TRHDE: variants seen among roughly 807,000 people sequenced by gnomAD.
The protein encoded by TRHDE is thyrotropin releasing hormone degrading enzyme.
TRHDE carries 72 observed loss-of-function variants against 125.7 expected under a neutral mutation model. The observed-to-expected ratio is 0.57, with a 90% CI of 0.47 to 0.70. The LOEUF is 0.70. Among genes scored for constraint, TRHDE ranks in the 30% least tolerant of loss-of-function variants. The pLI is 0.00. For synonymous variants in TRHDE, 509 were observed against 509.1 expected (o/e 1.00, Z 0.00); for missense variants, 1,110 against 1,327.1 (o/e 0.84, Z 2.54).
intron 7 of TRHDE, among the ~76,000 whole-genome samples, chr12:72,554,175 T>A (rs1001193332): frequency 1.1e-4 from 16 of 152,098 alleles, no homozygotes; most frequent in African/African-American, 3.9e-4. Context: ...TTATAGTGTT[T>A]CTAGAACATT....
intron 12 of TRHDE, among the ~76,000 whole-genome samples, chr12:72,604,511 A>G (rs1222506653): frequency 6.6e-6 from 1 of 152,074 alleles, no homozygotes; most frequent in Non-Finnish European, 1.5e-5. Flanking sequence ...AATGACTCTT[A>G]TTAAGATTCC....
chr12:72,380,774 C>CCTTG (rs1565720534), intron 3 of TRHDE, among the ~76,000 whole-genome samples: 5 of 112,350 alleles, frequency 4.5e-5, no homozygotes, highest in African/African-American at 1.7e-4. Context: ...TTGCTTCCTT[C>CCTTG]CTTCCTTCCT....
rs188638290 is a variant in TRHDE at position 72,217,384 on chromosome 12, A to G, written n.279+111632A>G. ...GTTAAGGACTGTTCCTAGTGCCTTT[A>G]GTAATCAATGGATGGTAGCCTTACT... On this transcript the variant is annotated intron_variant and non_coding_transcript_variant, in intron 2 of 4. Coordinates refer to the TRHDE transcript ENST00000548156. Among the ~76,000 whole-genome samples the G allele has an allele frequency of 9.3e-4, 142 of 152,300 alleles. 2 individuals carry two copies. The highest frequency in any genetic ancestry group is 3.2e-3 in the African/African-American group (135 of 41,580).
chr12:72,650,275 C>A (rs1447938984), intron 15 of TRHDE, among the ~76,000 whole-genome samples: 1 of 152,024 alleles, frequency 6.6e-6, no homozygotes, highest in Non-Finnish European at 1.5e-5. Flanking sequence ...AAGAGCCAGT[C>A]ACAGAAAGAC....
At chr12:72,430,317 A>G (rs1435571704) in intron 3 of TRHDE, among the ~76,000 whole-genome samples, 2 of 141,886 alleles carry the variant, frequency 1.4e-5, no homozygotes, top group African/African-American at 5.3e-5. Context: ...ATGTATATAT[A>G]CATGTATACA....
chr12:72,633,631 A>G (rs1384420443), intron 15 of TRHDE, among the ~76,000 whole-genome samples: 1 of 152,066 alleles, frequency 6.6e-6, no homozygotes, highest in Non-Finnish European at 1.5e-5. Context: ...CTTTCCACCC[A>G]TCACTGACTA....
chr12:72,333,702 T>C (rs1404456089), intron 2 of TRHDE, among the ~76,000 whole-genome samples: 1 of 152,204 alleles, frequency 6.6e-6, no homozygotes. Flanking sequence ...AAGATGGAAA[T>C]GGGGACAAAA....
chr12:72,469,769 G>T lies in TRHDE; in HGVS notation c.1327G>T (p.Val443Leu). The change falls in exon 4 of 19, where the codon GTG becomes TTG. Residue 443 changes from valine (V) to leucine (L), a missense_variant. Coordinates refer to ENST00000261180, the MANE Select transcript of TRHDE (RefSeq NM_013381.3). ...TATTTTATTTCTAGATCTTTTAGCT[G>T]TGCCTAAGCATCCGTATGCTGCTAT... is the stretch of plus-strand genomic sequence containing the variant. ...YSLPKLDLLA[V>L]PKHPYAAMEN... 1 of 1,613,906 alleles carries T rather than the reference G, an allele frequency of 6.2e-7. No individual in the cohort carries two copies. Among genetic ancestry groups the T allele is most frequent in the Non-Finnish European group, 8.5e-7 (1 of 1,179,934 alleles).
chr12:72,464,210 G>A (rs1876259829), intron 3 of TRHDE, among the ~76,000 whole-genome samples: 1 of 152,136 alleles, frequency 6.6e-6, no homozygotes, highest in African/African-American at 2.4e-5. Flanking sequence ...GGGTGGTGAT[G>A]GATGATGTTA....
chr12:72,215,835 G>A (rs1877878514), intron 2 of TRHDE, among the ~76,000 whole-genome samples: 1 of 152,064 alleles, frequency 6.6e-6, no homozygotes, highest in Admixed American at 6.6e-5. Flanking sequence ...CTGACAATTT[G>A]GAAACGAAGC....
At chr12:72,328,047 G>A (rs181933742) in intron 2 of TRHDE, among the ~76,000 whole-genome samples, 272 of 152,222 alleles carry the variant, frequency 1.8e-3, no homozygotes, top group Non-Finnish European at 2.2e-3. Context: ...AATGGCCCAC[G>A]AGTATCATCA....
chr12:72,451,945 C>T (rs1323040524), intron 3 of TRHDE, among the ~76,000 whole-genome samples: 1 of 152,136 alleles, frequency 6.6e-6, no homozygotes, highest in Non-Finnish European at 1.5e-5. Flanking sequence ...TCTCCTGCCT[C>T]AGCCTCCCAA....
intron 15 of TRHDE, among the ~76,000 whole-genome samples, chr12:72,651,452 C>T (rs962300951): frequency 6.6e-6 from 1 of 151,812 alleles, no homozygotes; most frequent in Non-Finnish European, 1.5e-5. Flanking sequence ...TATATTACTG[C>T]CACATTCAAA....
intron 2 of TRHDE, among the ~76,000 whole-genome samples, chr12:72,124,832 C>T (rs1251719873): frequency 6.6e-6 from 1 of 152,020 alleles, no homozygotes; most frequent in African/African-American, 2.4e-5. Context: ...ATCTTGAGCC[C>T]AGGAGTTAAT....
chr12:72,566,821 T>C (rs1194510594), intron 9 of TRHDE, among the ~76,000 whole-genome samples: 1 of 152,012 alleles, frequency 6.6e-6, no homozygotes, highest in Non-Finnish European at 1.5e-5. Flanking sequence ...AGTTAATCTG[T>C]CTTACCTATA....
At position 72,603,720 on chromosome 12, in the gene TRHDE, G is replaced by A. The variant is rs1565806892; in HGVS notation, c.2322-15171G>A. Among the ~76,000 whole-genome samples the A allele has an allele frequency of 7.3e-5, 11 of 151,692 alleles. No individual in the cohort carries two copies. In the South Asian group the frequency reaches 1.9e-3, roughly 26 times the overall value. On this transcript the variant is annotated intron_variant, in intron 12 of 18. Coordinates refer to ENST00000261180, the MANE Select transcript of TRHDE (RefSeq NM_013381.3). Reference sequence around the variant, plus strand: ...AGCCTGGGCGACAGAGTGAGACTCCGTCTCAAAACAAAAAACAAAAAACAA... The same window carrying A: ...AGCCTGGGCGACAGAGTGAGACTCCATCTCAAAACAAAAAACAAAAAACAA...
In TRHDE at chr12:72,665,276, G is replaced by A. The variant is rs1875073299; in HGVS notation, c.*2081G>A. 6.6e-6 allele frequency: 1 copy of A among 152,384 alleles called. No individual in the cohort carries two copies. The highest frequency in any genetic ancestry group is 1.5e-5 in the Non-Finnish European group (1 of 67,932). The allele number at this position is 152,384 out of a possible 1,614,324, so 9.4% of individuals were successfully genotyped here. The stretch of plus-strand genomic sequence containing the variant: ...GTAAAATTACCATTTCCAGATTTGA[G>A]TTTGAAGGGCTTTTATAGTTGTATT... On this transcript the variant is annotated 3_prime_UTR_variant, in exon 19 of 19. Transcript: ENST00000261180.
At chr12:72,655,208 G>A (rs1348954181) in intron 17 of TRHDE, among the ~76,000 whole-genome samples, 3 of 152,006 alleles carry the variant, frequency 2.0e-5, no homozygotes, top group Non-Finnish European at 4.4e-5. Context: ...GAGTAGCTGG[G>A]ACTACAGACA....
At chr12:72,575,111 T>A in intron 10 of TRHDE, 144 bp from the exon 11 acceptor site, 1 of 734,570 alleles carries the variant, frequency 1.4e-6, no homozygotes, top group Non-Finnish European at 2.2e-6. Flanking sequence ...ATGCAAGTGA[T>A]TAATTAAAGA....
Sources: gnomAD v4.1 joint callset for allele counts (sites outside exome capture counted in the v4.1 genomes callset) on GRCh38, gnomAD v4.1.1 for gene constraint, MANE v1.5 for transcripts, NCBI Gene and HGNC (gene_info 2026-07-23, HGNC 2026-07-21) for gene names.